Variants in MRPS2 observed in about 807,000 individuals in gnomAD.
MRPS2 encodes mitochondrial ribosomal protein S2.
A neutral mutation model predicts 18.9 loss-of-function variants in MRPS2; 13 were observed. The observed-to-expected ratio is 0.69, with a 90% CI of 0.45 to 1.09. The LOEUF is 1.09. Among genes scored for constraint, MRPS2 ranks in the 50% least tolerant of loss-of-function variants. MRPS2 has a pLI of 0.00. For missense variants in MRPS2, 389 were observed against 421.7 expected (o/e 0.92, Z 0.68); for synonymous variants, 186 against 178.4 (o/e 1.04, Z -0.34).
intron 2 of MRPS2, 45 bp downstream of exon 2, chr9:135,501,168 C>A (rs1054168767): frequency 6.5e-7 from 1 of 1,534,940 alleles, no homozygotes; most frequent in Non-Finnish European, 8.7e-7. Context: ...CGAGGAGAGG[C>A]CGGCAGCCGC....
intron 3 of MRPS2, 120 bp downstream of exon 3, chr9:135,502,093 T>G: frequency 6.6e-7 from 1 of 1,519,156 alleles, no homozygotes; most frequent in South Asian, 1.3e-5. Context: ...AGCCCCATCC[T>G]CCTCCACATG....
chr9:135,503,816 C>T lies in MRPS2; in HGVS notation c.574C>T (p.Leu192Phe). ...TGGCCCCACGGTCCGCCTGCCGGAC[C>T]TCATCATCTTCCTGCACACGCTCAA... is the stretch of plus-strand genomic sequence containing the variant. ...LFGPTVRLPD[L>F]IIFLHTLNNI... Residue 192 changes from leucine to phenylalanine, a missense_variant, in exon 4 of 4, where the codon CTC (leucine) becomes TTC (phenylalanine). Coordinates refer to ENST00000241600, the MANE Select transcript of MRPS2 (RefSeq NM_016034.5). 1.2e-6 allele frequency: 2 copies of T among 1,613,594 alleles called. No homozygotes were observed. The highest frequency in any genetic ancestry group is 8.5e-7 in the Non-Finnish European group (1 of 1,180,044).
intron 3 of MRPS2, chr9:135,503,340 C>G: frequency 7.0e-7 from 1 of 1,422,958 alleles, no homozygotes; most frequent in South Asian, 1.5e-5. Context: ...AGCCACGAGA[C>G]GAGGCATGCA....
At chr9:135,500,930 G>C (rs778830652) in intron 1 of MRPS2, 68 bp from the exon 2 acceptor site, 2 of 1,596,912 alleles carry the variant, frequency 1.3e-6, no homozygotes, top group East Asian at 4.5e-5. Flanking sequence ...GCCCGTTGGG[G>C]ATGCGGTGGG....
rs976295984 is a variant in MRPS2 at position 135,501,208 on chromosome 9, C to T, written c.169+85C>T. The T allele has an allele frequency of 4.1e-6, 6 of 1,461,072 alleles. No homozygotes were observed. The African/African-American group carries it at 7.1e-5, about 17-fold the overall frequency. The allele number at this position is 1,461,072 out of a possible 1,614,324, so 90.5% of individuals were successfully genotyped here. A position where few individuals can be genotyped will look rare whatever the true frequency, so the allele number is the denominator to read the frequency against. On this transcript the variant is annotated intron_variant, in intron 2 of 3. Transcript: ENST00000241600. ...GATGCGAACCCTAGAGGGGCCTGGG[C>T]GCTGCACGCGGTCGAAACTGCGCGC...
chr9:135,503,024 C>T (rs929071229), intron 3 of MRPS2: 2 of 865,098 alleles, frequency 2.3e-6, no homozygotes, highest in Non-Finnish European at 2.8e-6. Context: ...GGGGGTGTCT[C>T]CCATGCCCCG....
In MRPS2 at chr9:135,503,885, A is replaced by G; in HGVS notation, c.643A>G (p.Met215Val). ...PHVAVRDAAK[M>V]NIPTVGIVDT... ...CGTGGCCGTGAGAGACGCAGCCAAG[A>G]TGAACATCCCCACAGTGGGCATCGT... The change falls in exon 4 of 4, where the codon ATG (methionine) becomes GTG (valine). Residue 215 changes from methionine (M) to valine (V), a missense_variant. Met to Val is a conservative substitution (Grantham distance 21, BLOSUM62 1). Coordinates refer to ENST00000241600, the MANE Select transcript of MRPS2 (RefSeq NM_016034.5). The G allele has an allele frequency of 6.2e-7, 1 of 1,614,028 alleles. No individual in the cohort carries two copies. The highest frequency in any genetic ancestry group is 1.3e-5 in the African/African-American group (1 of 75,046).
rs750091020 is a variant in MRPS2 at position 135,504,054 on chromosome 9, A to G, written c.812A>G (p.Tyr271Cys). 7 of 1,612,890 alleles carry G rather than the reference A, an allele frequency of 4.3e-6. No individual in the cohort carries two copies. The highest frequency in any genetic ancestry group is 5.9e-6 in the Non-Finnish European group (7 of 1,180,000). The part of the protein sequence containing the change: ...KEKRQQVEAL[Y>C]RLQGQKEPGD... ...AAGCGGCAGCAGGTTGAGGCTCTCT[A>G]TCGCCTGCAGGGCCAGAAGGAGCCC... Residue 271 changes from tyrosine to cysteine, a missense_variant, in exon 4 of 4, where the codon TAT becomes TGT. Coordinates refer to ENST00000241600, the MANE Select transcript of MRPS2 (RefSeq NM_016034.5). This position sits in a 1 kb window ranked among gnomAD's most constrained non-coding sequence, Gnocchi z 4.3.
chr9:135,503,737 C>T lies in MRPS2; in HGVS notation c.495C>T (p.Tyr165=), dbSNP rs373408410. ...ACATGGCCCGTGACTGTGGCGAGTA[C>T]GCCCACACTCGCTACTTCAGGGGCG... ...IENMARDCGE[Y]AHTRYFRGGM... Residue 165 remains tyrosine, a synonymous_variant, in exon 4 of 4, where the codon TAC becomes TAT. Transcript: ENST00000241600. 25 of 1,613,138 alleles carry T rather than the reference C, an allele frequency of 1.5e-5. No individual in the cohort carries two copies. The highest frequency in any genetic ancestry group is 2.2e-5 in the East Asian group (1 of 44,888).
intron 2 of MRPS2, 38 bp from the exon 3 acceptor site, chr9:135,501,806 G>T (rs748750540): frequency 1.2e-6 from 2 of 1,609,560 alleles, no homozygotes; most frequent in Non-Finnish European, 8.5e-7. Flanking sequence ...TGCTGCCACC[G>T]GTGGGAGACG....
chr9:135,501,256 C>G (rs1831121823), intron 2 of MRPS2, 133 bp downstream of exon 2: 5 of 1,432,668 alleles, frequency 3.5e-6, no homozygotes, highest in Non-Finnish European at 4.5e-6. Context: ...CTCCCACTCC[C>G]GTGCTCGCCG....
chr9:135,504,323 TGGGGA>T lies in MRPS2; in HGVS notation c.*191_*195del. 1 of 626,122 alleles carries T rather than the reference TGGGGA, an allele frequency of 1.6e-6. No homozygotes were observed. Among genetic ancestry groups the T allele is most frequent in the Non-Finnish European group, 2.8e-6 (1 of 361,204 alleles). The allele number at this position is 626,122 out of a possible 1,614,324, so 38.8% of individuals were successfully genotyped here. On this transcript the variant is annotated 3_prime_UTR_variant, in exon 4 of 4. Transcript: ENST00000241600. The surrounding 1 kb of genome is among the most constrained non-coding windows in gnomAD (Gnocchi z 4.3). ...AACGTTGCCATGTGCGTTTGCTCTG[TGGGGA>T]ACAGAGCACAGAGGGTGAGCGACAT... is the stretch of plus-strand genomic sequence containing the variant.
Position 135,504,161 on chromosome 9 carries a change from C to T in MRPS2, c.*28C>T. Reference sequence around the variant, plus strand: ...TTCACTCTCCTCCCAAAGCAAACCACAGCCAAGCCTGTCTGAGCTGGGAGT... The same window carrying T: ...TTCACTCTCCTCCCAAAGCAAACCATAGCCAAGCCTGTCTGAGCTGGGAGT... On this transcript the variant is annotated 3_prime_UTR_variant, in exon 4 of 4. Transcript: ENST00000241600. This position sits in a 1 kb window ranked among gnomAD's most constrained non-coding sequence, Gnocchi z 4.3. 5.9e-6 allele frequency: 9 copies of T among 1,534,174 alleles called. No individual in the cohort carries two copies. Among genetic ancestry groups the T allele is most frequent in the Non-Finnish European group, 7.9e-6 (9 of 1,145,488 alleles).
At chr9:135,501,788 C>A in intron 2 of MRPS2, 56 bp from the exon 3 acceptor site, 1 of 1,603,456 alleles carries the variant, frequency 6.2e-7, no homozygotes. Flanking sequence ...CTGCGCTCTG[C>A]CTGTCTCTGC....
chr9:135,503,503 G>C (rs771299998), intron 3 of MRPS2, 39 bp from the exon 4 acceptor site: 2 of 1,579,276 alleles, frequency 1.3e-6, no homozygotes, highest in Non-Finnish European at 1.7e-6. Context: ...ATGGCCCCGT[G>C]AACTCTCATC....
intron 1 of MRPS2, 81 bp downstream of exon 1, chr9:135,500,834 G>A (rs866760667): frequency 1.3e-6 from 2 of 1,488,908 alleles, no homozygotes; most frequent in Non-Finnish European, 8.9e-7. Context: ...GGAGCGGCGG[G>A]GACGTGGAGG....
Position 135,503,863 on chromosome 9 carries a change from G to C in MRPS2, c.621G>C (p.Val207=). The change falls in exon 4 of 4, where the codon GTG becomes GTC. Residue 207 remains valine (V), a synonymous_variant. Coordinates refer to ENST00000241600, the MANE Select transcript of MRPS2 (RefSeq NM_016034.5). ...TCAACAACATCTTTGAGCCACACGT[G>C]GCCGTGAGAGACGCAGCCAAGATGA... ...HTLNNIFEPH[V]AVRDAAKMNI... is the part of the protein sequence containing the mutation. The C allele has an allele frequency of 6.2e-7, 1 of 1,613,948 alleles. No individual in the cohort carries two copies. Among genetic ancestry groups the C allele is most frequent in the Non-Finnish European group, 8.5e-7 (1 of 1,180,036 alleles).
rs1408684050 is a variant in MRPS2 at position 135,504,327 on chromosome 9, G to A, written c.*194G>A. ...TTGCCATGTGCGTTTGCTCTGTGGG[G>A]AACAGAGCACAGAGGGTGAGCGACA... is the stretch of plus-strand genomic sequence containing the variant. On this transcript the variant is annotated 3_prime_UTR_variant, in exon 4 of 4. Coordinates refer to ENST00000241600, the MANE Select transcript of MRPS2 (RefSeq NM_016034.5). This position sits in a 1 kb window ranked among gnomAD's most constrained non-coding sequence, Gnocchi z 4.3. The A allele has an allele frequency of 1.5e-5, 9 of 619,438 alleles. No individual in the cohort carries two copies. Among genetic ancestry groups the A allele is most frequent in the Non-Finnish European group, 5.6e-6 (2 of 355,474 alleles). 38.4% of individuals were successfully genotyped at this position (619,438 alleles called of 1,614,324 possible).
In MRPS2 at chr9:135,501,084, G is replaced by T; in HGVS notation, c.130G>T (p.Ala44Ser). ...GCCGAGCCGCAGGACGCTTGGAAGC[G>T]CGACGGCCCTTATGATCCGCGAGTC... ...ARPSRRTLGS[A>S]TALMIRESED... The change falls in exon 2 of 4, where the codon GCG becomes TCG. Residue 44 changes from alanine (A) to serine (S), a missense_variant. Ala to Ser is a moderately conservative substitution (Grantham distance 99). Coordinates refer to ENST00000241600, the MANE Select transcript of MRPS2 (RefSeq NM_016034.5). 1 of 1,608,724 alleles carries T rather than the reference G, an allele frequency of 6.2e-7. No individual in the cohort carries two copies.
Sources: allele counts gnomAD v4.1 joint callset, GRCh38; gene constraint gnomAD v4.1.1; non-coding constraint Gnocchi (gnomAD v3.1); transcripts MANE v1.5; gene names NCBI Gene and HGNC (gene_info 2026-07-23, HGNC 2026-07-21).